The following SGCZ variants were observed in gnomAD, a reference collection of about 807,000 sequenced individuals.
The protein encoded by SGCZ is sarcoglycan zeta, also known as zeta-sarcoglycan.
A neutral mutation model predicts 41.3 loss-of-function variants in SGCZ; 40 were observed. The ratio of observed to expected loss-of-function variants is 0.97; its 90% CI spans 0.75 to 1.26. SGCZ has a LOEUF of 1.26. Ranked by LOEUF, SGCZ falls within the 50% of genes most tolerant of loss-of-function variation. SGCZ has a pLI of 0.00. For missense variants in SGCZ, 552 were observed against 369.8 expected (o/e 1.49, Z -4.04); for synonymous variants, 206 against 137.5 (o/e 1.50, Z -3.49).
At chr8:14,291,894 T>C (rs1299716189) in intron 3 of SGCZ, among the ~76,000 whole-genome samples, 1 of 152,018 alleles carries the variant, frequency 6.6e-6, no homozygotes, top group Non-Finnish European at 1.5e-5. Context: ...AATTTTACTC[T>C]ATGATTCGCA....
intron 1 of SGCZ, among the ~76,000 whole-genome samples, chr8:14,599,859 C>A (rs1040976392): frequency 2.6e-5 from 4 of 151,944 alleles, no homozygotes; most frequent in Admixed American, 6.6e-5. Context: ...AACAAAAGAC[C>A]CTTGACTCCA....
intron 5 of SGCZ, among the ~76,000 whole-genome samples, chr8:14,130,419 A>C (rs1017695439): frequency 6.6e-6 from 1 of 152,208 alleles, no homozygotes; most frequent in Non-Finnish European, 1.5e-5. Context: ...TATAGATAAC[A>C]GTCCTTCCTT....
chr8:14,914,524 G>C (rs1799369669), intron 1 of SGCZ, among the ~76,000 whole-genome samples: 2 of 147,008 alleles, frequency 1.4e-5, no homozygotes. Flanking sequence ...GCAGGTAAGA[G>C]ACAGTGAAAA....
Position 15,015,670 on chromosome 8 carries a change from A to G in SGCZ, c.39+221915T>C, listed in dbSNP as rs1345325335. Among the ~76,000 whole-genome samples the G allele has an allele frequency of 2.2e-5, 3 of 134,584 alleles. No homozygotes were observed. The South Asian group carries it at 7.4e-4, about 33-fold the overall frequency. 88.3% of individuals were successfully genotyped at this position (134,584 alleles called of 152,430 possible). Reference sequence around the variant, plus strand: ...GCCACTGCACTCCAGCGTAGGCAACAGAGAGAGACTCCATCTCAAAAAAAA... The same window carrying G: ...GCCACTGCACTCCAGCGTAGGCAACGGAGAGAGACTCCATCTCAAAAAAAA... On this transcript the variant is annotated intron_variant, in intron 1 of 7. Transcript: ENST00000382080.
At chr8:14,783,997 AT>A (rs1800671262) in intron 1 of SGCZ, among the ~76,000 whole-genome samples, 2 of 151,986 alleles carry the variant, frequency 1.3e-5, no homozygotes, top group Admixed American at 6.5e-5. Context: ...TCTTAAAATA[AT>A]TGTACCCTTT....
chr8:14,794,118 A>G (rs2130478474), intron 1 of SGCZ, among the ~76,000 whole-genome samples: 1 of 152,274 alleles, frequency 6.6e-6, no homozygotes. Flanking sequence ...AAAAATCAAT[A>G]TATTCAACTC....
At chr8:14,684,537 C>T (rs1808546195) in intron 1 of SGCZ, among the ~76,000 whole-genome samples, 1 of 152,090 alleles carries the variant, frequency 6.6e-6, no homozygotes. Context: ...CTAATTTTCT[C>T]AGAGTATTCA....
At chr8:14,613,985 A>C (rs1806015299) in intron 1 of SGCZ, among the ~76,000 whole-genome samples, 1 of 152,186 alleles carries the variant, frequency 6.6e-6, no homozygotes, top group African/African-American at 2.4e-5. Flanking sequence ...TTTAGAAATT[A>C]AATTCATTGA....
intron 1 of SGCZ, among the ~76,000 whole-genome samples, chr8:14,801,291 C>A (rs1167331726): frequency 6.6e-6 from 1 of 152,056 alleles, no homozygotes; most frequent in African/African-American, 2.4e-5. Flanking sequence ...ATGCTACTGG[C>A]ATTTCATTGA....
chr8:14,954,281 G>T (rs543999046), intron 1 of SGCZ, among the ~76,000 whole-genome samples: 1 of 152,206 alleles, frequency 6.6e-6, no homozygotes, highest in East Asian at 1.9e-4. Context: ...AGGTTTATAA[G>T]TACAAAATAA....
intron 1 of SGCZ, among the ~76,000 whole-genome samples, chr8:15,040,049 A>G (rs891458251): frequency 6.6e-6 from 1 of 152,226 alleles, no homozygotes; most frequent in Non-Finnish European, 1.5e-5. Flanking sequence ...TGCAAACTTA[A>G]TGTCATACAG....
At chr8:15,157,367 G>T (rs1009133138) in intron 1 of SGCZ, among the ~76,000 whole-genome samples, 5 of 151,642 alleles carry the variant, frequency 3.3e-5, no homozygotes, top group Non-Finnish European at 7.4e-5. Context: ...CAGCCACACT[G>T]CAGATTACGC....
intron 1 of SGCZ, among the ~76,000 whole-genome samples, chr8:15,067,145 C>G (rs1805181306): frequency 6.6e-6 from 1 of 151,954 alleles, no homozygotes; most frequent in African/African-American, 2.4e-5. Flanking sequence ...TTAAAATTTC[C>G]AATTTTGTAT....
At chr8:15,229,995 A>T (rs2117204743) in intron 1 of SGCZ, among the ~76,000 whole-genome samples, 1 of 152,348 alleles carries the variant, frequency 6.6e-6, no homozygotes, top group Admixed American at 6.5e-5. Context: ...ACAAATATTT[A>T]GTAGGCTCTT....
intron 1 of SGCZ, among the ~76,000 whole-genome samples, chr8:14,702,950 TA>T (rs1809213313): frequency 1.5e-5 from 2 of 136,188 alleles, no homozygotes; most frequent in Non-Finnish European, 3.1e-5. Flanking sequence ...GATAGATAGA[TA>T]GATAGATAGA....
chr8:14,499,665 T>A (rs745498368), intron 2 of SGCZ, among the ~76,000 whole-genome samples: 7 of 152,072 alleles, frequency 4.6e-5, no homozygotes, highest in Non-Finnish European at 8.8e-5. Flanking sequence ...TTTTAAATAC[T>A]TTATTTTTCT....
chr8:14,618,171 C>A (rs776485569), intron 1 of SGCZ, among the ~76,000 whole-genome samples: 41 of 152,044 alleles, frequency 2.7e-4, no homozygotes, highest in Non-Finnish European at 4.3e-4. Flanking sequence ...CCAAAAATAT[C>A]TACTTTGGTG....
intron 3 of SGCZ, among the ~76,000 whole-genome samples, chr8:14,283,511 A>G (rs1445979254): frequency 1.3e-5 from 2 of 152,180 alleles, no homozygotes; most frequent in East Asian, 3.8e-4. Context: ...CTTTTCATAT[A>G]TATATAAATA....
At chr8:14,682,177 C>A (rs915990001) in intron 1 of SGCZ, among the ~76,000 whole-genome samples, 1 of 151,678 alleles carries the variant, frequency 6.6e-6, no homozygotes, top group African/African-American at 2.4e-5. Flanking sequence ...TCAATTTGTT[C>A]GACTAAAGAA....
Sources: allele counts gnomAD v4.1 joint callset (sites outside exome capture counted in the v4.1 genomes callset), GRCh38; gene constraint gnomAD v4.1.1; transcripts MANE v1.5; gene names NCBI Gene and HGNC (gene_info 2026-07-23, HGNC 2026-07-21).